The following PCDHA1 variants were observed in gnomAD, a reference collection of about 807,000 sequenced individuals.
PCDHA1 encodes protocadherin alpha 1.
PCDHA1 carries 42 observed loss-of-function variants against 61.3 expected under a neutral mutation model. That is an observed-to-expected ratio of 0.69 (90% CI 0.54 to 0.89). The LOEUF (loss-of-function observed/expected upper bound fraction) is 0.89. PCDHA1 is among the 40% of genes least tolerant of loss of function. The probability of loss-of-function intolerance (pLI) is 0.00; values close to 1 mark genes in which losing one functional copy is unlikely to be tolerated. For synonymous variants in PCDHA1, 610 were observed against 553.8 expected, an observed-to-expected ratio of 1.10 and a Z score of -1.43; for missense variants, 1,256 against 1,235.3, an observed-to-expected ratio of 1.02 and a Z score of -0.25.
intron 1 of PCDHA1, chr5:140,876,573 C>G: frequency 1.9e-6 from 3 of 1,614,152 alleles, no homozygotes; most frequent in African/African-American, 1.3e-5. Flanking sequence ...AGGTGGGTAC[C>G]GTCATTGCCC....
intron 1 of PCDHA1, chr5:140,822,581 A>T: frequency 6.2e-7 from 1 of 1,610,708 alleles, no homozygotes; most frequent in Non-Finnish European, 8.5e-7. Flanking sequence ...TCAGATGCAG[A>T]TGAGGGCATC....
At chr5:140,830,180 A>G (rs1770875458) in intron 1 of PCDHA1, 1 of 1,613,474 alleles carries the variant, frequency 6.2e-7, no homozygotes, top group South Asian at 1.1e-5. Flanking sequence ...GGTGGATGTC[A>G]ACGTGTACCT....
chr5:140,874,622 A>G (rs554375384), intron 1 of PCDHA1, among the ~76,000 whole-genome samples: 5 of 152,374 alleles, frequency 3.3e-5, no homozygotes, highest in Non-Finnish European at 7.3e-5. Flanking sequence ...TAAACATTTT[A>G]CATTAAAGTG....
chr5:140,831,878 G>T (rs2150197940), intron 1 of PCDHA1, among the ~76,000 whole-genome samples: 2 of 152,198 alleles, frequency 1.3e-5, no homozygotes, highest in African/African-American at 4.8e-5. Flanking sequence ...ATTGTAAGGC[G>T]CTTATAACTG....
intron 3 of PCDHA1, among the ~76,000 whole-genome samples, chr5:141,000,361 G>GTCTCTC (rs148596731): frequency 3.0e-3 from 79 of 26,442 alleles, no homozygotes; most frequent in East Asian, 6.3e-3. Flanking sequence ...GTCTCTCTCT[G>GTCTCTC]TCTCTCTCTC....
chr5:140,824,431 G>A (rs1581810357), intron 1 of PCDHA1: 2 of 491,526 alleles, frequency 4.1e-6, no homozygotes, highest in Non-Finnish European at 7.1e-6. Context: ...CATTCTCAAA[G>A]TTTCAGTTTA....
At chr5:140,967,976 C>G in intron 1 of PCDHA1, 14 of 1,614,222 alleles carry the variant, frequency 8.7e-6, no homozygotes, top group Non-Finnish European at 1.2e-5. Context: ...GAGCCTGGGT[C>G]TGGAGGCCAC....
chr5:140,875,556 C>A (rs781896642), intron 1 of PCDHA1: 2 of 1,614,010 alleles, frequency 1.2e-6, no homozygotes, highest in Non-Finnish European at 1.7e-6. Context: ...AGGTGGGGAG[C>A]GGCCAGCTCC....
intron 1 of PCDHA1, chr5:140,861,415 G>T (rs1400394792): frequency 4.2e-6 from 2 of 475,856 alleles, no homozygotes; most frequent in Non-Finnish European, 8.6e-6. Context: ...CTGATACCGC[G>T]CCTGTTTCAG....
chr5:140,823,412 G>A, intron 1 of PCDHA1: 2 of 1,613,222 alleles, frequency 1.2e-6, no homozygotes. Context: ...CCTCTGGGCA[G>A]CAACGTGACG....
chr5:140,869,221 A>G, intron 1 of PCDHA1: 1 of 1,613,848 alleles, frequency 6.2e-7, no homozygotes, highest in South Asian at 1.1e-5. Flanking sequence ...GGAGGAGGCC[A>G]AACACGGCAC....
At chr5:140,955,312 C>T (rs1022804259) in intron 1 of PCDHA1, among the ~76,000 whole-genome samples, 2 of 152,100 alleles carry the variant, frequency 1.3e-5, no homozygotes, top group Admixed American at 6.6e-5. Flanking sequence ...ACCCAAATCT[C>T]ACCTTGAATT....
At chr5:140,875,367 T>A (rs937879067) in intron 1 of PCDHA1, 1 of 1,449,166 alleles carries the variant, frequency 6.9e-7, no homozygotes, top group Non-Finnish European at 9.1e-7. Context: ...CTGGAAAAAA[T>A]TTACTAAATA....
rs781886107 is a variant in PCDHA1 at position 140,870,037 on chromosome 5, A to G, written c.2394+81353A>G. 6.2e-7 allele frequency: 1 copy of G among 1,613,778 alleles called. No individual in the cohort carries two copies. The highest frequency in any genetic ancestry group is 1.7e-5 in the Admixed American group (1 of 60,026). On this transcript the variant is annotated intron_variant, in intron 1 of 3. Coordinates refer to ENST00000504120, the MANE Select transcript of PCDHA1 (RefSeq NM_018900.4). ...CAATGGAACTTTAGATTATGAAGAA[A>G]ACAAGTTTTATAAAATTGAAGTACA... is the stretch of plus-strand genomic sequence containing the variant.
chr5:140,803,622 T>A (rs1003396292), intron 1 of PCDHA1: 1 of 1,613,896 alleles, frequency 6.2e-7, no homozygotes, highest in Admixed American at 1.7e-5. Flanking sequence ...CTTTCCAAAA[T>A]GTCTTTGTTT....
intron 1 of PCDHA1, among the ~76,000 whole-genome samples, chr5:140,887,278 A>G (rs782205714): frequency 5.9e-5 from 9 of 151,950 alleles, no homozygotes; most frequent in Non-Finnish European, 8.8e-5. Flanking sequence ...TTGTATTTTT[A>G]GTAGAGATGG....
At chr5:140,818,732 G>A (rs2150102254) in intron 1 of PCDHA1, among the ~76,000 whole-genome samples, 20 of 152,118 alleles carry the variant, frequency 1.3e-4, no homozygotes, top group African/African-American at 4.6e-4. Flanking sequence ...CAGCTACTTG[G>A]GAGGCTGAAG....
intron 1 of PCDHA1, chr5:140,966,488 C>T: frequency 2.3e-6 from 1 of 440,248 alleles, no homozygotes; most frequent in Non-Finnish European, 3.9e-6. Flanking sequence ...TTTCCCTCCC[C>T]CTGGAGCTGT....
chr5:140,981,699 T>A (rs1162840326), intron 2 of PCDHA1, among the ~76,000 whole-genome samples: 1 of 151,316 alleles, frequency 6.6e-6, no homozygotes, highest in Non-Finnish European at 1.5e-5. Context: ...CATTCATTCA[T>A]TCATTCATTC....
Sources: allele counts gnomAD v4.1 joint callset (sites outside exome capture counted in the v4.1 genomes callset), GRCh38; gene constraint gnomAD v4.1.1; transcripts MANE v1.5; gene names NCBI Gene and HGNC (gene_info 2026-07-23, HGNC 2026-07-21).